ACP7: variants seen among roughly 807,000 people sequenced by gnomAD.
ACP7 encodes acid phosphatase 7, tartrate resistant (putative).
In ACP7, 58 loss-of-function variants were observed where a neutral mutation model predicts 60.6. The observed-to-expected ratio is 0.96, with a 90% CI of 0.77 to 1.19. ACP7 has a LOEUF of 1.19. ACP7 is among the 50% of genes most tolerant of loss of function. The probability of loss-of-function intolerance (pLI) is 0.00; values close to 1 mark genes in which losing one functional copy is unlikely to be tolerated. For synonymous variants in ACP7, 237 were observed against 232.6 expected (o/e 1.02, Z -0.17); for missense variants, 574 against 596.2 (o/e 0.96, Z 0.39).
rs759947307 is a variant in ACP7 at position 39,107,005 on chromosome 19, G to A, written c.1172G>A (p.Arg391His). ...AVFPRPWSAV[R>H]VKEYGYTRLH... ...TTCCCGAGGCCCTGGAGTGCCGTGC[G>A]TGTGAAGGAGTACGGGTATACGCGG... The change falls in exon 12 of 13, where the codon CGT becomes CAT. Residue 391 changes from arginine to histidine, a missense_variant. Arg to His is a conservative substitution (Grantham distance 29). Transcript: ENST00000331256. 28 of 1,614,106 alleles carry A rather than the reference G, an allele frequency of 1.7e-5. No individual in the cohort carries two copies. In the South Asian group the frequency reaches 2.0e-4, roughly 11 times the overall value.
intron 12 of ACP7, among the ~76,000 whole-genome samples, chr19:39,109,631 G>A (rs545956441): frequency 1.4e-5 from 2 of 147,756 alleles, no homozygotes; most frequent in Admixed American, 1.4e-4. Context: ...CTTGAACCTG[G>A]GAAGCGGAGG....
chr19:39,103,441 G>GTGTTTTTTTTT lies in ACP7; in HGVS notation c.1113+1905_1113+1906insGTTTTTTTTTT, dbSNP rs1230916229. 1.4e-3 allele frequency among the ~76,000 whole-genome samples: 92 copies of GTGTTTTTTTTT among 64,730 alleles called. 6 individuals carry two copies. Among genetic ancestry groups the GTGTTTTTTTTT allele is most frequent in the Non-Finnish European group, 1.9e-3 (71 of 37,232 alleles). 42.5% of individuals were successfully genotyped at this position (64,730 alleles called of 152,430 possible). ...TCAAAACATTCCAGGATCATCATGTGTTTTTTTTTTTTTTTTTTTTTTTTT... is the reference window on the plus strand; with the variant it reads ...TCAAAACATTCCAGGATCATCATGTGTGTTTTTTTTTTTTTTTTTTTTTTTTTTTTTTTTTT... On this transcript the variant is annotated intron_variant, in intron 11 of 12. Coordinates refer to ENST00000331256, the MANE Select transcript of ACP7 (RefSeq NM_001004318.3).
At chr19:39,094,796 C>T (rs1056779249) in intron 2 of ACP7, among the ~76,000 whole-genome samples, 1 of 152,138 alleles carries the variant, frequency 6.6e-6, no homozygotes, top group Non-Finnish European at 1.5e-5. Flanking sequence ...TAAAGACATA[C>T]CTGAGACTGA....
Position 39,098,945 on chromosome 19 carries a change from T to G in ACP7, c.323-15T>G, listed in dbSNP as rs1568479879. ...GGCGCCCCAGCTGACTGCGACCTTT[T>G]CCTCTCCCATTCAGTTTATCGCTGT... On this transcript the variant is annotated splice_polypyrimidine_tract_variant and intron_variant, in intron 3 of 12. Coordinates refer to ENST00000331256, the MANE Select transcript of ACP7 (RefSeq NM_001004318.3). 6.2e-7 allele frequency: 1 copy of G among 1,605,940 alleles called. No individual in the cohort carries two copies. Among genetic ancestry groups the G allele is most frequent in the Admixed American group, 1.7e-5 (1 of 59,604 alleles).
In ACP7 at chr19:39,100,867, A is replaced by T. The variant is rs1173701072; in HGVS notation, c.807+14A>T. The T allele has an allele frequency of 6.2e-7, 1 of 1,612,162 alleles. No homozygotes were observed. Among genetic ancestry groups the T allele is most frequent in the Non-Finnish European group, 8.5e-7 (1 of 1,179,362 alleles). ...AGCGACCTCCAGGTAACCTGGGTGG[A>T]GGCCCCTATAGTCCCCTGGCCAGCC... On this transcript the variant is annotated intron_variant, in intron 7 of 12. Coordinates refer to ENST00000331256, the MANE Select transcript of ACP7 (RefSeq NM_001004318.3).
chr19:39,094,965 A>T (rs1159911359), intron 2 of ACP7, among the ~76,000 whole-genome samples: 1 of 152,142 alleles, frequency 6.6e-6, no homozygotes, highest in African/African-American at 2.4e-5. Context: ...ATCTCATGAG[A>T]CTTATTCACT....
chr19:39,096,661 A>G (rs1031326385), intron 2 of ACP7, among the ~76,000 whole-genome samples: 2 of 152,132 alleles, frequency 1.3e-5, no homozygotes, highest in African/African-American at 4.8e-5. Flanking sequence ...CCAGCTTACT[A>G]TATTAGTCCA....
At chr19:39,107,156 C>T in intron 12 of ACP7, 72 bp downstream of exon 12, 2 of 1,452,002 alleles carry the variant, frequency 1.4e-6, no homozygotes, top group Non-Finnish European at 1.8e-6. Flanking sequence ...CTGTTAAAAA[C>T]GTGGGCTCGG....
chr19:39,097,429 T>C (rs1295071008), intron 2 of ACP7, among the ~76,000 whole-genome samples: 1 of 149,608 alleles, frequency 6.7e-6, no homozygotes, highest in Non-Finnish European at 1.5e-5. Context: ...CTGGGCATGG[T>C]GACATGTGCC....
At chr19:39,098,818 C>T in intron 3 of ACP7, 142 bp from the exon 4 acceptor site, 3 of 1,369,674 alleles carry the variant, frequency 2.2e-6, no homozygotes, top group Non-Finnish European at 2.9e-6. Context: ...CGGAAGGTGC[C>T]GGGGAAGGCA....
intron 2 of ACP7, among the ~76,000 whole-genome samples, chr19:39,088,621 C>T (rs527313635): frequency 1.0e-3 from 154 of 152,310 alleles, no homozygotes; most frequent in African/African-American, 3.4e-3. Context: ...TTGCTACTCC[C>T]ATTTGACAAG....
At chr19:39,087,498 GGGTTT>G (rs1369260410) in intron 2 of ACP7, among the ~76,000 whole-genome samples, 1 of 152,010 alleles carries the variant, frequency 6.6e-6, no homozygotes, top group Non-Finnish European at 1.5e-5. Flanking sequence ...GGCTCTGTCA[GGGTTT>G]GGCACTGGAG....
rs142348602 is a variant in ACP7, at chr19:39,100,213, G to GCC, written c.506-10_506-9dup. 6.2e-7 allele frequency: 1 copy of GCC among 1,612,470 alleles called. No homozygotes were observed. The highest frequency in any genetic ancestry group is 1.7e-5 in the Admixed American group (1 of 59,864). On this transcript the variant is annotated splice_polypyrimidine_tract_variant and intron_variant, in intron 4 of 12. Transcript: ENST00000331256. ...GGGCCTGGGTCCTCACCCTCCTTCC[G>GCC]CCCCCTCCCCCAGGAGACTTTGCCT...
In ACP7 at chr19:39,096,862, C is replaced by T. The variant is rs545972531; in HGVS notation, c.122-1596C>T. On this transcript the variant is annotated intron_variant, in intron 2 of 12. Coordinates refer to ENST00000331256, the MANE Select transcript of ACP7 (RefSeq NM_001004318.3). ...CTGTTGCCAGGCTGGAATGCAGTGG[C>T]GTGCTCTTGGCTCACGGCAACCTCC... Among the ~76,000 whole-genome samples, 25 of 152,228 alleles carry T rather than the reference C, an allele frequency of 1.6e-4. No individual in the cohort carries two copies. In the East Asian group the frequency reaches 3.5e-3, roughly 21 times the overall value.
rs777380227 is a variant in ACP7 at position 39,110,074 on chromosome 19, G to A, written c.1273G>A (p.Val425Ile). The A allele has an allele frequency of 6.2e-7, 1 of 1,613,926 alleles. No individual in the cohort carries two copies. Among genetic ancestry groups the A allele is most frequent in the South Asian group, 1.1e-5 (1 of 91,080 alleles). Residue 425 changes from valine (V) to isoleucine (I), a missense_variant, in exon 13 of 13, where the codon GTC becomes ATC. Coordinates refer to ENST00000331256, the MANE Select transcript of ACP7 (RefSeq NM_001004318.3). ...ACAGGATGGGAAGATCGTAGATGAT[G>A]TCTGGGTGGTGAGACCCCTGTTTGG... ...DDQDGKIVDD[V>I]WVVRPLFGRR...
intron 2 of ACP7, among the ~76,000 whole-genome samples, chr19:39,087,434 C>A (rs532078154): frequency 4.6e-5 from 7 of 152,118 alleles, no homozygotes; most frequent in Non-Finnish European, 8.8e-5. Flanking sequence ...TGTTCTTGCA[C>A]AGACATGTGG....
At position 39,101,076 on chromosome 19, in the gene ACP7, G is replaced by A. The variant is rs2073338577; in HGVS notation, c.915+20G>A. 1 of 1,613,924 alleles carries A rather than the reference G, an allele frequency of 6.2e-7. No individual in the cohort carries two copies. The highest frequency in any genetic ancestry group is 1.1e-5 in the South Asian group (1 of 91,084). On this transcript the variant is annotated intron_variant, in intron 8 of 12. Coordinates refer to ENST00000331256, the MANE Select transcript of ACP7 (RefSeq NM_001004318.3). ...AGCAAGGTGAGGTCCCTCCCTGGGAGACAGTGGGGACATGCTGAAAGCCAG... is the reference window on the plus strand; with the variant it reads ...AGCAAGGTGAGGTCCCTCCCTGGGAAACAGTGGGGACATGCTGAAAGCCAG...
At position 39,111,424 on chromosome 19, in the gene ACP7, G is replaced by A. The variant is rs977909176; in HGVS notation, c.*1306G>A. On this transcript the variant is annotated 3_prime_UTR_variant, in exon 13 of 13. Coordinates refer to ENST00000331256, the MANE Select transcript of ACP7 (RefSeq NM_001004318.3). Reference sequence around the variant, plus strand: ...CCACTGCACCCCAGCCTGGGCAACAGAGCAAGACCCTGTCTCAAAAAATAT... The same window carrying A: ...CCACTGCACCCCAGCCTGGGCAACAAAGCAAGACCCTGTCTCAAAAAATAT... The A allele has an allele frequency of 6.6e-6, 1 of 152,274 alleles. No individual in the cohort carries two copies. Among genetic ancestry groups the A allele is most frequent in the African/African-American group, 2.4e-5 (1 of 41,452 alleles). 9.4% of individuals were successfully genotyped at this position (152,274 alleles called of 1,614,324 possible).
chr19:39,105,077 G>A (rs968278303), intron 11 of ACP7, among the ~76,000 whole-genome samples: 1 of 151,484 alleles, frequency 6.6e-6, no homozygotes, highest in Non-Finnish European at 1.5e-5. Context: ...TGCAATTGGC[G>A]TGATCTCGGC....
Sources: allele counts gnomAD v4.1 joint callset (sites outside exome capture counted in the v4.1 genomes callset), GRCh38; gene constraint gnomAD v4.1.1; transcripts MANE v1.5; gene names NCBI Gene and HGNC (gene_info 2026-07-23, HGNC 2026-07-21).